CA5A: variants seen among roughly 807,000 people sequenced by gnomAD.
CA5A encodes carbonic anhydrase 5A.
Under a neutral mutation model 37.1 loss-of-function variants are expected in CA5A, and 28 were observed. The ratio of observed to expected loss-of-function variants is 0.75; its 90% CI spans 0.56 to 1.03. The LOEUF is 1.03. Among genes scored for constraint, CA5A ranks in the 50% least tolerant of loss-of-function variants. The pLI, the probability that CA5A is intolerant of heterozygous loss-of-function variation, is 0.00. For synonymous variants in CA5A, 171 were observed against 158.4 expected, an observed-to-expected ratio of 1.08 and a Z score of -0.60; for missense variants, 444 against 399.9, an observed-to-expected ratio of 1.11 and a Z score of -0.94.
intron 1 of CA5A, among the ~76,000 whole-genome samples, chr16:87,928,010 G>C (rs1489378896): frequency 7.2e-5 from 11 of 152,060 alleles, no homozygotes; most frequent in Admixed American, 7.2e-4. Context: ...TTTTCCTTAA[G>C]AGACAGGATC....
At chr16:87,916,074 AGGAG>A (rs751810440) in intron 2 of CA5A, among the ~76,000 whole-genome samples, 140 of 151,088 alleles carry the variant, frequency 9.3e-4, no homozygotes, top group Admixed American at 1.6e-3. Context: ...AGCCTGCGGC[AGGAG>A]AATGGCGTGA....
At chr16:87,893,776 G>C in intron 5 of CA5A, 1 of 396,516 alleles carries the variant, frequency 2.5e-6, no homozygotes. Context: ...TACACTCACA[G>C]CCAAAAAACA....
intron 5 of CA5A, 78 bp downstream of exon 5, chr16:87,901,834 G>C: frequency 8.2e-7 from 1 of 1,222,220 alleles, no homozygotes; most frequent in South Asian, 1.2e-5. Context: ...TGATCCACCT[G>C]CCTCAGCCTC....
At chr16:87,929,847 G>A (rs1231621201) in intron 1 of CA5A, among the ~76,000 whole-genome samples, 1 of 114,378 alleles carries the variant, frequency 8.7e-6, no homozygotes, top group Non-Finnish European at 1.6e-5. Context: ...ACTCCAGCCT[G>A]GGCAATACAG....
chr16:87,895,782 GTCTC>G (rs1031275485), intron 5 of CA5A, among the ~76,000 whole-genome samples: 1 of 151,964 alleles, frequency 6.6e-6, no homozygotes, highest in African/African-American at 2.4e-5. Context: ...TGTGTCTTGT[GTCTC>G]TCACTCAGCA....
intron 2 of CA5A, among the ~76,000 whole-genome samples, chr16:87,925,886 G>A (rs888104488): frequency 9.3e-5 from 14 of 151,178 alleles, no homozygotes; most frequent in Admixed American, 3.3e-4. Flanking sequence ...CCCTCCAGCC[G>A]CCTGCTCAGT....
chr16:87,909,047 G>A (rs1049557858), intron 2 of CA5A, among the ~76,000 whole-genome samples: 2 of 149,958 alleles, frequency 1.3e-5, no homozygotes, highest in Non-Finnish European at 3.0e-5. Flanking sequence ...TGGCCAGGAT[G>A]ATCTCGATCT....
At chr16:87,902,376 G>A (rs768100073) in intron 4 of CA5A, 49 bp downstream of exon 4, 3 of 1,032,200 alleles carry the variant, frequency 2.9e-6, no homozygotes, top group South Asian at 2.7e-5. Context: ...CAATCCTAAT[G>A]ATGGATCACC....
chr16:87,934,340 G>A (rs1390648900), intron 1 of CA5A, among the ~76,000 whole-genome samples: 2 of 151,618 alleles, frequency 1.3e-5, no homozygotes, highest in African/African-American at 4.8e-5. Flanking sequence ...AGGCTGAGGC[G>A]GGCAGATCAC....
intron 5 of CA5A, among the ~76,000 whole-genome samples, chr16:87,899,126 C>G (rs1312805812): frequency 2.6e-5 from 4 of 151,978 alleles, no homozygotes; most frequent in Non-Finnish European, 5.9e-5. Context: ...GGCTCTGAAC[C>G]CAGGAGTCCA....
intron 1 of CA5A, among the ~76,000 whole-genome samples, chr16:87,935,599 G>T (rs564977889): frequency 1.9e-4 from 29 of 152,328 alleles, no homozygotes; most frequent in African/African-American, 6.7e-4. Context: ...AGTGTGGCCA[G>T]GCGCGGTGGC....
At chr16:87,892,246 AC>A in intron 5 of CA5A, 1 of 251,888 alleles carries the variant, frequency 4.0e-6, no homozygotes, top group Non-Finnish European at 7.6e-6. Flanking sequence ...GCAGTAGCTC[AC>A]CCCTGTAATC....
At chr16:87,896,919 C>T (rs1440748359) in intron 5 of CA5A, among the ~76,000 whole-genome samples, 1 of 152,256 alleles carries the variant, frequency 6.6e-6, no homozygotes, top group Non-Finnish European at 1.5e-5. Flanking sequence ...GGATTATAGG[C>T]GTGAGCCACG....
In CA5A at chr16:87,926,813, C is replaced by T. The variant is rs371380818; in HGVS notation, c.275G>A (p.Cys92Tyr). The T allele has an allele frequency of 1.9e-6, 3 of 1,614,188 alleles. No individual in the cohort carries two copies. In the African/African-American group the frequency reaches 4.0e-5, roughly 22 times the overall value. Residue 92 changes from cysteine to tyrosine, a missense_variant, in exon 2 of 7, where the codon TGC becomes TAC. By Grantham distance (194) the Cys-to-Tyr change is radical. Transcript: ENST00000649794. ...GTAGCCAGTGTTCCAGATGTACAGG[C>T]AGGATGCCGCTTCATAGGAGACCCT... is the stretch of plus-strand genomic sequence containing the variant. ...PLRVSYEAAS[C>Y]LYIWNTGYLF... is the part of the protein sequence containing the mutation.
intron 5 of CA5A, among the ~76,000 whole-genome samples, chr16:87,896,359 G>T (rs1045259627): frequency 2.6e-5 from 4 of 152,168 alleles, no homozygotes; most frequent in Non-Finnish European, 5.9e-5. Flanking sequence ...TTGCCTCATC[G>T]TCCCCAGGAG....
chr16:87,890,320 T>C (rs111452292), intron 6 of CA5A, among the ~76,000 whole-genome samples: 4,777 of 152,162 alleles, frequency 0.031, 260 homozygotes, highest in African/African-American at 0.11. Context: ...GCTTGTTGAG[T>C]GGCATAAGGG....
At chr16:87,917,957 G>A (rs554104658) in intron 2 of CA5A, among the ~76,000 whole-genome samples, 36 of 152,334 alleles carry the variant, frequency 2.4e-4, no homozygotes, top group African/African-American at 8.2e-4. Flanking sequence ...CAGTCCAGGG[G>A]TCGTCCTTGA....
At chr16:87,912,868 C>G (rs1488497654) in intron 2 of CA5A, among the ~76,000 whole-genome samples, 2 of 152,164 alleles carry the variant, frequency 1.3e-5, no homozygotes, top group Non-Finnish European at 2.9e-5. Context: ...ACGGAACAGG[C>G]GGAAGCACCA....
In CA5A at chr16:87,902,409, C is replaced by A. The variant is rs2055891877; in HGVS notation, c.555+16G>T. The A allele has an allele frequency of 4.7e-6, 7 of 1,502,338 alleles. No homozygotes were observed. The highest frequency in any genetic ancestry group is 6.5e-6 in the Non-Finnish European group (7 of 1,078,388). The allele number at this position is 1,502,338 out of a possible 1,614,324, so 93.1% of individuals were successfully genotyped here. A position where few individuals can be genotyped will look rare whatever the true frequency, so the allele number is the denominator to read the frequency against. ...ACCACTTTCTTCATTAGATCTACACCCGAGCAAGTGATTACCTTTAAAAAC... is the reference window on the plus strand; with the variant it reads ...ACCACTTTCTTCATTAGATCTACACACGAGCAAGTGATTACCTTTAAAAAC... On this transcript the variant is annotated intron_variant, in intron 4 of 6. Coordinates refer to ENST00000649794, the MANE Select transcript of CA5A (RefSeq NM_001739.2).
Sources: allele counts gnomAD v4.1 joint callset (sites outside exome capture counted in the v4.1 genomes callset), GRCh38; gene constraint gnomAD v4.1.1; transcripts MANE v1.5; gene names NCBI Gene and HGNC (gene_info 2026-07-23, HGNC 2026-07-21).